INTS10: variants seen among roughly 807,000 people sequenced by gnomAD.
INTS10 encodes the protein chromosome 8 open reading frame 35.
A neutral mutation model predicts 94.4 loss-of-function variants in INTS10; 44 were observed. The observed-to-expected ratio is 0.47, with a 90% CI of 0.37 to 0.60. The LOEUF (loss-of-function observed/expected upper bound fraction) is 0.60. Among genes scored for constraint, INTS10 ranks in the 20% least tolerant of loss-of-function variants. The pLI is 0.00. For synonymous variants in INTS10, 341 were observed against 320.7 expected (o/e 1.06, Z -0.68); for missense variants, 797 against 868.7 (o/e 0.92, Z 1.04).
rs759710515 is a variant in INTS10 at position 19,817,513 on chromosome 8, C to T, written c.-25C>T. The T allele has an allele frequency of 1.9e-6, 3 of 1,599,128 alleles. No homozygotes were observed. The Admixed American group carries it at 5.1e-5, about 27-fold the overall frequency. ...AGCCGGACGTTCCGGCCGCTTCGGG[C>T]TGGCGGCTGGAGAGCGCTCGGGTCA... On this transcript the variant is annotated 5_prime_UTR_variant, in exon 1 of 17. Coordinates refer to ENST00000397977, the MANE Select transcript of INTS10 (RefSeq NM_018142.4).
intron 11 of INTS10, among the ~76,000 whole-genome samples, chr8:19,832,730 G>A (rs188391801): frequency 6.6e-6 from 1 of 152,208 alleles, no homozygotes; most frequent in Admixed American, 6.5e-5. Flanking sequence ...CTGCCTGGCT[G>A]TACTGTTCTC....
chr8:19,838,063 T>C (rs2067806749), intron 13 of INTS10, among the ~76,000 whole-genome samples: 1 of 151,934 alleles, frequency 6.6e-6, no homozygotes, highest in African/African-American at 2.4e-5. Flanking sequence ...AAACAGAAAA[T>C]CAGAATGTTC....
chr8:19,828,041 T>C (rs2066937669), intron 9 of INTS10, among the ~76,000 whole-genome samples: 1 of 151,402 alleles, frequency 6.6e-6, no homozygotes, highest in Non-Finnish European at 1.5e-5. Flanking sequence ...AGACCCCGTC[T>C]CTATAAAAAA....
At chr8:19,830,624 T>C (rs1310590723) in intron 10 of INTS10, 65 bp downstream of exon 10, 4 of 1,450,724 alleles carry the variant, frequency 2.8e-6, no homozygotes, top group Non-Finnish European at 2.8e-6. Context: ...CTACTTCAAA[T>C]GTCAGGTCAC....
At chr8:19,833,749 T>C (rs967919764) in intron 12 of INTS10, among the ~76,000 whole-genome samples, 2 of 152,146 alleles carry the variant, frequency 1.3e-5, no homozygotes, top group African/African-American at 4.8e-5. Context: ...GGCTCACACC[T>C]ATAATCCCAG....
rs762908036 is a variant in INTS10 at position 19,837,216 on chromosome 8, C to T, written c.1639+56C>T. Reference sequence around the variant, plus strand: ...AAAAATAGCTTTAGAAAGCCAGGCACGGTGGCTCACACTTGTAATCTCAGC... The same window carrying T: ...AAAAATAGCTTTAGAAAGCCAGGCATGGTGGCTCACACTTGTAATCTCAGC... On this transcript the variant is annotated intron_variant, in intron 13 of 16. Coordinates refer to ENST00000397977, the MANE Select transcript of INTS10 (RefSeq NM_018142.4). The T allele has an allele frequency of 1.9e-4, 209 of 1,086,866 alleles. No individual in the cohort carries two copies. In the African/African-American group the frequency reaches 2.1e-3, roughly 11 times the overall value. 67.3% of individuals were successfully genotyped at this position (1,086,866 alleles called of 1,614,324 possible). A position where few individuals can be genotyped will look rare whatever the true frequency, so the allele number is the denominator to read the frequency against.
intron 8 of INTS10, among the ~76,000 whole-genome samples, chr8:19,826,167 C>T (rs2066774068): frequency 1.3e-5 from 2 of 152,096 alleles, no homozygotes; most frequent in African/African-American, 2.4e-5. Flanking sequence ...GCAACCTCCG[C>T]CTCCTGGGTT....
chr8:19,818,372 T>G, intron 2 of INTS10, 30 bp downstream of exon 2: 1 of 1,605,224 alleles, frequency 6.2e-7, no homozygotes, highest in Non-Finnish European at 8.5e-7. Flanking sequence ...TCACTTTTAC[T>G]GCACTGAATC....
chr8:19,837,994 A>T (rs936826331), intron 13 of INTS10, among the ~76,000 whole-genome samples: 22 of 152,228 alleles, frequency 1.4e-4, no homozygotes, highest in Non-Finnish European at 2.5e-4. Context: ...TAAATTTAAC[A>T]ACTTAGATGA....
chr8:19,839,253 A>G (rs1234664165), intron 13 of INTS10, among the ~76,000 whole-genome samples: 6 of 152,230 alleles, frequency 3.9e-5, no homozygotes, highest in Admixed American at 3.9e-4. Flanking sequence ...ACTATGAAGT[A>G]TTGAATGCTT....
At chr8:19,837,851 C>T (rs928402827) in intron 13 of INTS10, among the ~76,000 whole-genome samples, 1 of 151,268 alleles carries the variant, frequency 6.6e-6, no homozygotes, top group Non-Finnish European at 1.5e-5. Context: ...ATTGATAACC[C>T]CCTAACAAGA....
chr8:19,851,977 C>G lies in INTS10; in HGVS notation c.*172C>G, dbSNP rs2069072471. The G allele has an allele frequency of 4.6e-6, 2 of 436,946 alleles. No individual in the cohort carries two copies. Among genetic ancestry groups the G allele is most frequent in the Non-Finnish European group, 4.0e-6 (1 of 250,026 alleles). The allele number at this position is 436,946 out of a possible 1,614,324, so 27.1% of individuals were successfully genotyped here. The stretch of plus-strand genomic sequence containing the variant: ...AAGTAGTTCCCAAGAGTCTGAGAAG[C>G]TATTTCTATTTTTAAGAGTCATTTT... On this transcript the variant is annotated 3_prime_UTR_variant, in exon 17 of 17. Coordinates refer to ENST00000397977, the MANE Select transcript of INTS10 (RefSeq NM_018142.4). The surrounding 1 kb of genome is among the most constrained non-coding windows in gnomAD (Gnocchi z 5.0).
At chr8:19,850,944 A>G (rs1343530852) in intron 16 of INTS10, among the ~76,000 whole-genome samples, 3 of 152,098 alleles carry the variant, frequency 2.0e-5, no homozygotes, top group Non-Finnish European at 4.4e-5. Flanking sequence ...GTGCCCAGAC[A>G]GCGCAGGACC....
At chr8:19,826,350 G>A (rs778107641) in intron 8 of INTS10, 76 bp from the exon 9 acceptor site, 15 of 1,449,528 alleles carry the variant, frequency 1.0e-5, no homozygotes, top group Non-Finnish European at 1.4e-5. Flanking sequence ...CCAAAGGGCT[G>A]GGATTGCAGG....
At position 19,851,211 on chromosome 8, in the gene INTS10, T is replaced by C. The variant is rs775320056; in HGVS notation, c.1977-438T>C. On this transcript the variant is annotated intron_variant, in intron 16 of 16. Coordinates refer to ENST00000397977, the MANE Select transcript of INTS10 (RefSeq NM_018142.4). The surrounding 1 kb of genome is among the most constrained non-coding windows in gnomAD (Gnocchi z 5.0). ...CCATGGTGGGAGCTCACTTGGGTGA[T>C]TGGCTCATTCAGGTCTCCTCCCTCC... 6.6e-6 allele frequency among the ~76,000 whole-genome samples: 1 copy of C among 152,118 alleles called. No homozygotes were observed. The highest frequency in any genetic ancestry group is 6.6e-5 in the Admixed American group (1 of 15,266).
At chr8:19,842,346 C>G (rs1418931834) in intron 13 of INTS10, among the ~76,000 whole-genome samples, 1 of 152,132 alleles carries the variant, frequency 6.6e-6, no homozygotes, top group Non-Finnish European at 1.5e-5. Context: ...ATATAGTAGA[C>G]TGAAAGCATG....
At chr8:19,838,163 G>T (rs2067818580) in intron 13 of INTS10, among the ~76,000 whole-genome samples, 1 of 152,038 alleles carries the variant, frequency 6.6e-6, no homozygotes, top group Admixed American at 6.6e-5. Flanking sequence ...CGAGACCAGT[G>T]TGGGCAACAT....
At chr8:19,819,712 A>C in intron 3 of INTS10, 36 bp downstream of exon 3, 1 of 1,427,826 alleles carries the variant, frequency 7.0e-7, no homozygotes, top group Non-Finnish European at 9.9e-7. Context: ...CATTTCGGGA[A>C]TACCAAATCA....
intron 11 of INTS10, among the ~76,000 whole-genome samples, chr8:19,832,579 G>A (rs1272595315): frequency 2.6e-5 from 4 of 152,156 alleles, no homozygotes; most frequent in South Asian, 2.1e-4. Context: ...AAAACAAAAC[G>A]AAACAAAAAC....
Sources: allele counts gnomAD v4.1 joint callset (sites outside exome capture counted in the v4.1 genomes callset), GRCh38; gene constraint gnomAD v4.1.1; non-coding constraint Gnocchi (gnomAD v3.1); transcripts MANE v1.5; gene names NCBI Gene and HGNC (gene_info 2026-07-23, HGNC 2026-07-21).